MMRN1: variants seen among roughly 807,000 people sequenced by gnomAD.
MMRN1 encodes the protein multimerin-1.
MMRN1 carries 94 observed loss-of-function variants against 100.7 expected under a neutral mutation model. The ratio of observed to expected loss-of-function variants is 0.93; its 90% CI spans 0.79 to 1.11. MMRN1 has a LOEUF of 1.11. Ranked by LOEUF, MMRN1 falls within the 50% of genes least tolerant of loss-of-function variation. The probability of loss-of-function intolerance (pLI) is 0.00; values close to 1 mark genes in which losing one functional copy is unlikely to be tolerated. For synonymous variants in MMRN1, 575 were observed against 505.0 expected (o/e 1.14, Z -1.86); for missense variants, 1,606 against 1,439.1 (o/e 1.12, Z -1.88).
At chr4:89,911,508 A>C (rs1047045055) in intron 2 of MMRN1, among the ~76,000 whole-genome samples, 7 of 151,364 alleles carry the variant, frequency 4.6e-5, no homozygotes, top group Non-Finnish European at 1.0e-4. Context: ...ACGAATATCC[A>C]ATTTGTTTCA....
Position 89,922,814 on chromosome 4 carries a change from T to C in MMRN1, c.851-354T>C, listed in dbSNP as rs533230904. ...ATCAGCCTTTGTGGCAGTCCACTTA[T>C]AAGAATGCTATAGCTTTTAACACAG... On this transcript the variant is annotated intron_variant, in intron 3 of 7. Coordinates refer to ENST00000264790, the MANE Select transcript of MMRN1 (RefSeq NM_007351.3). Among the ~76,000 whole-genome samples the C allele has an allele frequency of 9.8e-5, 15 of 152,332 alleles. No individual in the cohort carries two copies. In the East Asian group the frequency reaches 2.5e-3, roughly 25 times the overall value.
Position 89,895,016 on chromosome 4 carries a change from T to C in MMRN1, c.45T>C (p.Ser15=), listed in dbSNP as rs748680667. 2.0e-5 allele frequency: 32 copies of C among 1,613,316 alleles called. No individual in the cohort carries two copies. The highest frequency in any genetic ancestry group is 6.7e-5 in the Admixed American group (4 of 59,936). Residue 15 remains serine, a synonymous_variant, in exon 1 of 8, where the codon AGT becomes AGC. Transcript: ENST00000264790. ...RLFVLLSSLW[S]GGIGLNNSKH... is the part of the protein sequence containing the mutation. ...TTGTCCTTCTTTCTAGTTTATGGAGTGGGGGCATTGGGCTTAACAACAGTA... is the reference window on the plus strand; with the variant it reads ...TTGTCCTTCTTTCTAGTTTATGGAGCGGGGGCATTGGGCTTAACAACAGTA...
chr4:89,903,735 C>A (rs1721463800), intron 1 of MMRN1, among the ~76,000 whole-genome samples: 2 of 151,742 alleles, frequency 1.3e-5, no homozygotes, highest in Admixed American at 1.3e-4. Flanking sequence ...CAGACAAAGT[C>A]ATGGCTATAA....
chr4:89,929,934 C>T (rs755619591), intron 5 of MMRN1, among the ~76,000 whole-genome samples: 7 of 152,112 alleles, frequency 4.6e-5, no homozygotes, highest in Non-Finnish European at 8.8e-5. Flanking sequence ...GTCTCAACTC[C>T]GTAAGAGGAG....
chr4:89,919,451 A>T (rs1434122585), intron 3 of MMRN1, among the ~76,000 whole-genome samples: 1 of 151,728 alleles, frequency 6.6e-6, no homozygotes, highest in Admixed American at 6.6e-5. Context: ...TTATTTCTAT[A>T]TTATACAAAT....
intron 1 of MMRN1, among the ~76,000 whole-genome samples, chr4:89,881,559 A>G (rs1438523576): frequency 6.6e-6 from 1 of 152,084 alleles, no homozygotes; most frequent in Non-Finnish European, 1.5e-5. Flanking sequence ...AGGATGATAG[A>G]ATATTATTGA....
chr4:89,944,899 TGATA>T (rs2110648912), intron 6 of MMRN1, among the ~76,000 whole-genome samples: 1 of 152,298 alleles, frequency 6.6e-6, no homozygotes, highest in South Asian at 2.1e-4. Context: ...GTACTAATGT[TGATA>T]GATAGCCTAT....
chr4:89,936,707 GA>G lies in MMRN1; in HGVS notation c.3031del (p.Ile1011LeufsTer9). On this transcript the variant is annotated frameshift_variant, in exon 6 of 8. Coordinates refer to ENST00000264790, the MANE Select transcript of MMRN1 (RefSeq NM_007351.3). LOFTEE classifies it high-confidence loss of function. ...AGAAGCAAGTAAAATCATTGCCAAA[GA>G]AAATTAACGCACTTAAGAAACCAAC... is the stretch of plus-strand genomic sequence containing the variant. ...SQKQVKSLPK[K>X]INALKKPTVN... 6.2e-7 allele frequency: 1 copy of G among 1,613,446 alleles called. No individual in the cohort carries two copies. Among genetic ancestry groups the G allele is most frequent in the South Asian group, 1.1e-5 (1 of 91,040 alleles).
chr4:89,927,201 G>A (rs7661410), intron 4 of MMRN1, among the ~76,000 whole-genome samples: 3,311 of 151,790 alleles, frequency 0.022, 110 homozygotes, highest in African/African-American at 0.074. Flanking sequence ...GATAGGGATT[G>A]CATTGAATCT....
At chr4:89,891,831 G>GA (rs576769143), upstream of MMRN1, among the ~76,000 whole-genome samples, 1 of 151,928 alleles carries the variant, frequency 6.6e-6, no homozygotes, top group African/African-American at 2.4e-5. Context: ...TTTCTCATGT[G>GA]AAAAATGAAG....
intron 1 of MMRN1, among the ~76,000 whole-genome samples, chr4:89,881,364 C>A (rs1174917238): frequency 5.3e-5 from 8 of 152,052 alleles, no homozygotes; most frequent in African/African-American, 9.7e-5. Flanking sequence ...TTAAAGGACT[C>A]CAACAGAATG....
In MMRN1 at chr4:89,953,109, T is replaced by C. The variant is rs1048496839; in HGVS notation, c.3378T>C (p.Tyr1126=). 4.3e-6 allele frequency: 7 copies of C among 1,613,918 alleles called. No homozygotes were observed. The highest frequency in any genetic ancestry group is 5.9e-6 in the Non-Finnish European group (7 of 1,179,874). Residue 1126 remains tyrosine, a synonymous_variant, in exon 8 of 8, where the codon TAT becomes TAC. Transcript: ENST00000264790. ...TGTTTAATAACTTGGATGTCAATTA[T>C]GGAGCTTCATATACCCCAAGAACTG... is the stretch of plus-strand genomic sequence containing the variant. ...PILFNNLDVN[Y]GASYTPRTGK...
chr4:89,908,008 C>A (rs1721624542), intron 1 of MMRN1, among the ~76,000 whole-genome samples: 1 of 150,936 alleles, frequency 6.6e-6, no homozygotes, highest in Admixed American at 6.6e-5. Context: ...TCAAGGGCAC[C>A]CCTATATTGA....
chr4:89,892,239 G>C (rs1312473779), upstream of MMRN1, among the ~76,000 whole-genome samples: 1 of 151,508 alleles, frequency 6.6e-6, no homozygotes, highest in Non-Finnish European at 1.5e-5. Context: ...AAATATTCAT[G>C]GTGAACAAAT....
intron 1 of MMRN1, among the ~76,000 whole-genome samples, chr4:89,897,246 C>T (rs1236111362): frequency 1.3e-5 from 2 of 151,388 alleles, no homozygotes; most frequent in Non-Finnish European, 2.9e-5. Context: ...GTCTCGCTCT[C>T]TTGCCAGGCT....
At position 89,923,197 on chromosome 4, in the gene MMRN1, A is replaced by G. The variant is rs746138565; in HGVS notation, c.880A>G (p.Asn294Asp). 6.2e-6 allele frequency: 10 copies of G among 1,613,844 alleles called. No individual in the cohort carries two copies. The highest frequency in any genetic ancestry group is 8.5e-6 in the Non-Finnish European group (10 of 1,179,852). Residue 294 changes from asparagine to aspartate, a missense_variant, in exon 4 of 8, where the codon AAC becomes GAC. Physicochemically the swap from Asn to Asp is conservative, Grantham distance 23. Coordinates refer to ENST00000264790, the MANE Select transcript of MMRN1 (RefSeq NM_007351.3). ...AQEQQSLIHT[N>D]QAESHTAVGR... ...GGAACAGCAAAGTTTGATACACACC[A>G]ACCAGGCTGAAAGTCATACAGCTGT...
upstream of MMRN1, among the ~76,000 whole-genome samples, chr4:89,893,928 T>C (rs1721111505): frequency 6.6e-6 from 1 of 152,152 alleles, no homozygotes. Context: ...AATTAAATGA[T>C]AAATCTCATG....
At chr4:89,890,431 C>T (rs1721026688), upstream of MMRN1, among the ~76,000 whole-genome samples, 1 of 152,028 alleles carries the variant, frequency 6.6e-6, no homozygotes, top group Admixed American at 6.6e-5. Context: ...CAAAAGTAAA[C>T]TTGGGAACTC....
intron 6 of MMRN1, 148 bp from the exon 7 acceptor site, chr4:89,951,457 C>T: frequency 2.8e-6 from 2 of 713,968 alleles, no homozygotes; most frequent in Non-Finnish European, 4.1e-6. Context: ...CGTCCTGTGC[C>T]CAGATCGACA....
Sources: gnomAD v4.1 joint callset for allele counts (sites outside exome capture counted in the v4.1 genomes callset) on GRCh38, gnomAD v4.1.1 for gene constraint, MANE v1.5 for transcripts, NCBI Gene and HGNC (gene_info 2026-07-23, HGNC 2026-07-21) for gene names.